The following C6orf118 variants were observed in gnomAD, a reference collection of about 807,000 sequenced individuals.
The protein encoded by C6orf118 is chromosome 6 open reading frame 118.
C6orf118 carries 50 observed loss-of-function variants against 50.2 expected under a neutral mutation model. The ratio of observed to expected loss-of-function variants is 1.00; its 90% confidence interval spans 0.79 to 1.26. The LOEUF is 1.26. Ranked by LOEUF, C6orf118 falls within the 50% of genes most tolerant of loss-of-function variation. The pLI is 0.00. For synonymous variants in C6orf118, 239 were observed against 230.9 expected, an observed-to-expected ratio of 1.03 and a Z score of -0.32; for missense variants, 641 against 578.7, an observed-to-expected ratio of 1.11 and a Z score of -1.10.
At chr6:165,283,499 G>A (rs993674165) in intron 7 of C6orf118, among the ~76,000 whole-genome samples, 5 of 152,184 alleles carry the variant, frequency 3.3e-5, no homozygotes, top group African/African-American at 1.2e-4. Context: ...AGAGTGCTTC[G>A]TTAAGCACTC....
rs571518068 is a variant in C6orf118, at chr6:165,291,299, A to AT, written c.1121-1233dup. Among the ~76,000 whole-genome samples, 399 of 152,354 alleles carry AT rather than the reference A, an allele frequency of 2.6e-3. 1 individual carries two copies. Among genetic ancestry groups the AT allele is most frequent in the Non-Finnish European group, 4.7e-3 (323 of 68,028 alleles). On this transcript the variant is annotated intron_variant, in intron 6 of 8. Transcript: ENST00000230301. ...TAGATCTGGCAATGTAGAGAAGGCA[A>AT]TGTCAAAAATAAGCCCTAGGTTTTA...
At chr6:165,293,808 G>A (rs957603046) in intron 5 of C6orf118, among the ~76,000 whole-genome samples, 6 of 152,096 alleles carry the variant, frequency 3.9e-5, no homozygotes, top group Admixed American at 1.3e-4. Context: ...TTAAAAAAAC[G>A]TAGCATTTTA....
At chr6:165,293,566 A>G in intron 5 of C6orf118, 95 bp from the exon 6 acceptor site, 5 of 923,748 alleles carry the variant, frequency 5.4e-6, no homozygotes, top group Non-Finnish European at 6.7e-6. Flanking sequence ...TACAGTTGAG[A>G]AATTAAAATA....
intron 5 of C6orf118, among the ~76,000 whole-genome samples, chr6:165,296,685 C>A (rs966181743): frequency 6.6e-6 from 1 of 152,168 alleles, no homozygotes; most frequent in African/African-American, 2.4e-5. Context: ...TGCTCCCCTA[C>A]CTGCTGGTGG....
intron 1 of C6orf118, 113 bp downstream of exon 1, chr6:165,309,449 A>G: frequency 7.7e-7 from 1 of 1,299,776 alleles, no homozygotes; most frequent in Non-Finnish European, 1.1e-6. Flanking sequence ...GCCGGCGTGC[A>G]GCCACCAGAA....
intron 1 of C6orf118, among the ~76,000 whole-genome samples, chr6:165,305,132 T>A (rs1316372671): frequency 1.2e-4 from 7 of 56,782 alleles, no homozygotes; most frequent in East Asian, 8.3e-4. Flanking sequence ...GAGATATAGA[T>A]CAATGGAACA....
chr6:165,284,956 C>T (rs1779852758), intron 7 of C6orf118, among the ~76,000 whole-genome samples: 1 of 152,150 alleles, frequency 6.6e-6, no homozygotes, highest in Non-Finnish European at 1.5e-5. Flanking sequence ...ATCAAATTCA[C>T]ATATAACAAT....
At chr6:165,308,467 T>A (rs957001355) in intron 1 of C6orf118, among the ~76,000 whole-genome samples, 6 of 151,170 alleles carry the variant, frequency 4.0e-5, no homozygotes, top group African/African-American at 1.5e-4. Flanking sequence ...AACCCACAAT[T>A]CCCCCACCAC....
intron 6 of C6orf118, among the ~76,000 whole-genome samples, chr6:165,292,926 T>C (rs1324673984): frequency 2.0e-5 from 3 of 152,190 alleles, no homozygotes; most frequent in Non-Finnish European, 4.4e-5. Context: ...GAGCATATCC[T>C]ACCAGACGCT....
chr6:165,298,172 T>A, intron 4 of C6orf118, 71 bp from the exon 5 acceptor site: 1 of 1,487,740 alleles, frequency 6.7e-7, no homozygotes. Context: ...TTCTTATTTG[T>A]CATTAATGCG....
chr6:165,289,179 AAAAAAAG>A (rs1780021338), intron 7 of C6orf118, among the ~76,000 whole-genome samples: 1 of 150,008 alleles, frequency 6.7e-6, no homozygotes, highest in South Asian at 2.1e-4. Context: ...CCCTCCAAAA[AAAAAAAG>A]AAAAAGAAAA....
At chr6:165,308,354 C>T (rs537543078) in intron 1 of C6orf118, among the ~76,000 whole-genome samples, 9 of 152,128 alleles carry the variant, frequency 5.9e-5, no homozygotes, top group Non-Finnish European at 1.2e-4. Context: ...GAAAGGGGGT[C>T]AGGGAAGTTG....
chr6:165,283,920 C>T (rs1029476633), intron 7 of C6orf118, among the ~76,000 whole-genome samples: 1 of 152,172 alleles, frequency 6.6e-6, no homozygotes, highest in Non-Finnish European at 1.5e-5. Context: ...TGCCTCTTCT[C>T]CTCCAAATGA....
At position 165,280,007 on chromosome 6, in the gene C6orf118, T is replaced by C; in HGVS notation, c.*50A>G. The C allele has an allele frequency of 1.3e-6, 2 of 1,550,208 alleles. No individual in the cohort carries two copies. The highest frequency in any genetic ancestry group is 1.8e-6 in the Non-Finnish European group (2 of 1,139,516). ...TGCATCTGCAAATATCCATGCTACA[T>C]ACATGGAAGTTAAGAATTTCCACTG... On this transcript the variant is annotated 3_prime_UTR_variant, in exon 9 of 9. Coordinates refer to ENST00000230301, the MANE Select transcript of C6orf118 (RefSeq NM_144980.4).
intron 5 of C6orf118, among the ~76,000 whole-genome samples, chr6:165,295,760 T>TC (rs1164803828): frequency 2.0e-5 from 3 of 150,464 alleles, no homozygotes; most frequent in African/African-American, 7.3e-5. Flanking sequence ...TGATTTTCCT[T>TC]TTTATAGGTT....
intron 5 of C6orf118, among the ~76,000 whole-genome samples, chr6:165,296,127 G>C (rs2128160676): frequency 6.6e-6 from 1 of 152,224 alleles, no homozygotes; most frequent in South Asian, 2.1e-4. Context: ...TTTGCAGCAG[G>C]AACATGGCAA....
intron 6 of C6orf118, among the ~76,000 whole-genome samples, chr6:165,292,116 T>C (rs1780125274): frequency 6.6e-6 from 1 of 152,194 alleles, no homozygotes; most frequent in Non-Finnish European, 1.5e-5. Flanking sequence ...CGCCTTAACC[T>C]AAGCTGAAGG....
intron 2 of C6orf118, 79 bp from the exon 3 acceptor site, chr6:165,300,565 G>A: frequency 7.1e-7 from 1 of 1,401,822 alleles, no homozygotes; most frequent in Admixed American, 1.9e-5. Flanking sequence ...GAGTCAGTGA[G>A]GACACAGCTG....
chr6:165,301,246 G>A (rs1402784631), intron 2 of C6orf118, among the ~76,000 whole-genome samples: 1 of 152,040 alleles, frequency 6.6e-6, no homozygotes, highest in African/African-American at 2.4e-5. Flanking sequence ...TCAGCTCACC[G>A]TCGTGGCTGT....
Sources: gnomAD v4.1 joint callset for allele counts (sites outside exome capture counted in the v4.1 genomes callset) on GRCh38, gnomAD v4.1.1 for gene constraint, MANE v1.5 for transcripts, NCBI Gene and HGNC (gene_info 2026-07-23, HGNC 2026-07-21) for gene names.